PCLO: variants seen among roughly 807,000 people sequenced by gnomAD.
PCLO encodes the protein protein piccolo.
Under a neutral mutation model 427.5 loss-of-function variants are expected in PCLO, and 82 were observed. The ratio of observed to expected loss-of-function variants is 0.19; its 90% CI spans 0.16 to 0.23. The LOEUF (loss-of-function observed/expected upper bound fraction) is 0.23, where lower values mean the gene tolerates loss of function less well. Ranked by LOEUF, PCLO falls within the 10% of genes least tolerant of loss-of-function variation. The probability of loss-of-function intolerance (pLI) is 1.00; values close to 1 mark genes in which losing one functional copy is unlikely to be tolerated. For missense variants in PCLO, 6,239 were observed against 6,115.9 expected (o/e 1.02, Z -0.67); for synonymous variants, 2,357 against 2,155.4 (o/e 1.09, Z -2.59).
Position 82,953,702 on chromosome 7 carries a change from A to C in PCLO, c.7251T>G (p.Pro2417=). The change falls in exon 5 of 25, where the codon CCT becomes CCG. Residue 2417 remains proline, a synonymous_variant. Coordinates refer to ENST00000333891, the MANE Select transcript of PCLO (RefSeq NM_033026.6). ...PPPPPPPPPP[P]PPPPPPPPPL... is the part of the protein sequence containing the mutation. ...GTGGGGGAGGAGGGGGTGGTGGTGG[A>C]GGAGGAGGAGGAGGGGGAGGGGGAG... 5.7e-6 allele frequency: 2 copies of C among 348,254 alleles called. No individual in the cohort carries two copies. The highest frequency in any genetic ancestry group is 9.4e-6 in the Non-Finnish European group (2 of 212,608). The allele number at this position is 348,254 out of a possible 1,614,324, so 21.6% of individuals were successfully genotyped here. A position where few individuals can be genotyped will look rare whatever the true frequency, so the allele number is the denominator to read the frequency against.
At chr7:82,977,462 G>A (rs1796046102) in intron 3 of PCLO, among the ~76,000 whole-genome samples, 1 of 150,830 alleles carries the variant, frequency 6.6e-6, no homozygotes, top group East Asian at 2.0e-4. Flanking sequence ...TGCCCAGGCT[G>A]GGGTGCAATG....
intron 22 of PCLO, among the ~76,000 whole-genome samples, chr7:82,778,756 A>AT (rs1347408389): frequency 7.3e-5 from 11 of 151,528 alleles, no homozygotes; most frequent in East Asian, 1.9e-4. Flanking sequence ...ATGCCTTTCA[A>AT]TTTTTTTTAT....
intron 6 of PCLO, among the ~76,000 whole-genome samples, chr7:82,934,711 AT>A (rs1183355968): frequency 6.6e-6 from 1 of 151,704 alleles, no homozygotes; most frequent in Admixed American, 6.6e-5. Flanking sequence ...CTAGATTTGT[AT>A]TTATCTATGT....
At chr7:82,941,629 A>C (rs1795088379) in intron 6 of PCLO, among the ~76,000 whole-genome samples, 1 of 152,216 alleles carries the variant, frequency 6.6e-6, no homozygotes, top group African/African-American at 2.4e-5. Flanking sequence ...TTATGAGACT[A>C]TGAAAGTATC....
In PCLO at chr7:83,154,786, T is replaced by G. The variant is rs777893742; in HGVS notation, c.1855A>C (p.Ser619Arg). 6.2e-7 allele frequency: 1 copy of G among 1,613,990 alleles called. No homozygotes were observed. The highest frequency in any genetic ancestry group is 1.7e-5 in the Admixed American group (1 of 60,022). ...GGATTGGGATTAAAACCACAGAGAC[T>G]ACAGACAGTGGTTTGACACTCAGTG... ...TCTECQTTVC[S>R]LCGFNPNPHL... Residue 619 changes from serine (S) to arginine (R), a missense_variant, in exon 2 of 25, where the codon AGT (serine) becomes CGT (arginine). By Grantham distance (110) the Ser-to-Arg change is moderately radical. Transcript: ENST00000333891.
chr7:82,780,544 T>A (rs986498445), intron 22 of PCLO, among the ~76,000 whole-genome samples: 13 of 152,256 alleles, frequency 8.5e-5, no homozygotes, highest in African/African-American at 2.6e-4. Context: ...TGTTTGTTTT[T>A]GTTTGTTTGT....
rs779489243 is a variant in PCLO at position 82,822,596 on chromosome 7, C to A, written c.14690G>T (p.Arg4897Leu). Residue 4897 changes from arginine to leucine, a missense_variant, in exon 20 of 25, where the codon CGC (arginine) becomes CTC (leucine). Physicochemically the swap from Arg to Leu is moderately radical, Grantham distance 102 (BLOSUM62 -2). This residue lies in a region of PCLO where 877 missense variants were observed against 925.5 expected (regional missense o/e 0.95). Coordinates refer to ENST00000333891, the MANE Select transcript of PCLO (RefSeq NM_033026.6). ...AGTGACGCTGGTTTTGCTTTGACTG[C>A]GAGATGGTCCATGAGAACGGAGATG... Reference protein sequence around the residue: ...EGHLRSHGPSRSQSKTSVTQT... With the variant: ...EGHLRSHGPSLSQSKTSVTQT... 1 of 1,613,676 alleles carries A rather than the reference C, an allele frequency of 6.2e-7. No individual in the cohort carries two copies. The highest frequency in any genetic ancestry group is 1.1e-5 in the South Asian group (1 of 91,084).
intron 9 of PCLO, among the ~76,000 whole-genome samples, chr7:82,892,392 G>A (rs1459273618): frequency 6.6e-6 from 1 of 152,110 alleles, no homozygotes; most frequent in East Asian, 1.9e-4. Context: ...AGCTGAAACT[G>A]GATCCCTTCC....
chr7:83,029,954 A>C, intron 3 of PCLO, among the ~76,000 whole-genome samples: 1 of 120,362 alleles, frequency 8.3e-6, no homozygotes, highest in South Asian at 2.9e-4. Context: ...CACTCTGGGG[A>C]CTGTTGTGGG....
chr7:83,076,614 T>A (rs1024470711), intron 3 of PCLO, among the ~76,000 whole-genome samples: 1 of 140,182 alleles, frequency 7.1e-6, no homozygotes, highest in East Asian at 2.1e-4. Context: ...TTCTGTTTAA[T>A]GTTATTTTCC....
At chr7:83,025,211 A>T (rs553422360) in intron 3 of PCLO, among the ~76,000 whole-genome samples, 1 of 152,144 alleles carries the variant, frequency 6.6e-6, no homozygotes, top group Non-Finnish European at 1.5e-5. Flanking sequence ...TTTGAAAAAA[A>T]TTTAGAAGAA....
chr7:82,884,696 A>C (rs1279909138), intron 9 of PCLO, among the ~76,000 whole-genome samples: 1 of 152,184 alleles, frequency 6.6e-6, no homozygotes, highest in African/African-American at 2.4e-5. Context: ...TTTGATATGA[A>C]ACTGGATGTC....
chr7:82,940,482 ATATAT>A (rs1023499455), intron 6 of PCLO, among the ~76,000 whole-genome samples: 1 of 152,148 alleles, frequency 6.6e-6, no homozygotes, highest in African/African-American at 2.4e-5. Context: ...AGTTAAAATG[ATATAT>A]TAGAGAGCTA....
intron 3 of PCLO, among the ~76,000 whole-genome samples, chr7:83,008,624 A>C (rs1015125526): frequency 1.3e-5 from 2 of 151,718 alleles, no homozygotes; most frequent in South Asian, 4.1e-4. Flanking sequence ...TGGATTCCTG[A>C]AAAGGCTAAG....
chr7:82,826,498 A>G (rs1791946930), intron 18 of PCLO, 91 bp downstream of exon 18: 4 of 756,228 alleles, frequency 5.3e-6, no homozygotes, highest in South Asian at 2.1e-5. Flanking sequence ...AGAAACGGCT[A>G]TCTTATAAAC....
intron 9 of PCLO, among the ~76,000 whole-genome samples, chr7:82,892,551 G>T (rs1303069707): frequency 6.6e-6 from 1 of 151,902 alleles, no homozygotes; most frequent in East Asian, 1.9e-4. Context: ...CAAAAGCAAT[G>T]GCAACAAAAG....
At chr7:83,072,203 G>A (rs968416145) in intron 3 of PCLO, among the ~76,000 whole-genome samples, 9 of 152,096 alleles carry the variant, frequency 5.9e-5, no homozygotes, top group Non-Finnish European at 1.2e-4. Context: ...TAAGAAAAAT[G>A]TATGAGAAAA....
chr7:83,069,625 G>A (rs1789754977), intron 3 of PCLO, among the ~76,000 whole-genome samples: 1 of 152,038 alleles, frequency 6.6e-6, no homozygotes, highest in African/African-American at 2.4e-5. Context: ...CAGGATTGTT[G>A]TGCAGAGAAA....
intron 3 of PCLO, among the ~76,000 whole-genome samples, chr7:83,062,123 T>C (rs745749462): frequency 1.3e-5 from 2 of 152,154 alleles, no homozygotes; most frequent in South Asian, 2.1e-4. Context: ...TTTTATTTCA[T>C]GGAGTTGATC....
Sources: gnomAD v4.1 joint callset for allele counts (sites outside exome capture counted in the v4.1 genomes callset) on GRCh38, gnomAD v4.1.1 for gene constraint, gnomAD v4.1.1 regional missense constraint, MANE v1.5 for transcripts, NCBI Gene and HGNC (gene_info 2026-07-23, HGNC 2026-07-21) for gene names.